Variants in PDE1A observed in about 807,000 individuals in gnomAD.
PDE1A encodes dual specificity calcium/calmodulin-dependent 3',5'-cyclic nucleotide phosphodiesterase 1A.
PDE1A carries 35 observed loss-of-function variants against 61.7 expected under a neutral mutation model. That is an observed-to-expected ratio of 0.57 (90% CI 0.43 to 0.75). PDE1A has a LOEUF of 0.75. PDE1A is among the 30% of genes least tolerant of loss of function. PDE1A has a pLI of 0.00. For synonymous variants in PDE1A, 232 were observed against 213.2 expected, an observed-to-expected ratio of 1.09 and a Z score of -0.77; for missense variants, 597 against 630.6, an observed-to-expected ratio of 0.95 and a Z score of 0.57.
chr2:182,540,696 A>G, the PDE1A span, among the ~76,000 whole-genome samples: 1 of 152,122 alleles, frequency 6.6e-6, no homozygotes, highest in Non-Finnish European at 1.5e-5. Context: ...ACACAGTTTT[A>G]CCTTTCTTCA....
the PDE1A span, among the ~76,000 whole-genome samples, chr2:182,575,293 C>T: frequency 6.6e-6 from 1 of 152,006 alleles, no homozygotes; most frequent in Admixed American, 6.6e-5. Flanking sequence ...AATTCTCTTC[C>T]TTACCTCCAT....
intron 1 of PDE1A, among the ~76,000 whole-genome samples, chr2:182,398,375 C>T (rs1701823090): frequency 6.6e-6 from 1 of 151,842 alleles, no homozygotes. Flanking sequence ...TCAACATTGT[C>T]ATAGATGTGA....
At chr2:182,325,107 T>G (rs563566298) in intron 1 of PDE1A, among the ~76,000 whole-genome samples, 1 of 152,194 alleles carries the variant, frequency 6.6e-6, no homozygotes, top group African/African-American at 2.4e-5. Flanking sequence ...TACATTTGAC[T>G]AGTCAACAGG....
intron 1 of PDE1A, among the ~76,000 whole-genome samples, chr2:182,411,332 T>C (rs1702603531): frequency 6.6e-6 from 1 of 152,238 alleles, no homozygotes; most frequent in South Asian, 2.1e-4. Context: ...CACACACTGT[T>C]GCATGTATTT....
chr2:182,568,701 T>C, the PDE1A span, among the ~76,000 whole-genome samples: 1 of 152,112 alleles, frequency 6.6e-6, no homozygotes, highest in Non-Finnish European at 1.5e-5. Flanking sequence ...AGTAGGTACA[T>C]ATTTCTGTAT....
At chr2:182,156,891 A>T (rs1234201877) in intron 13 of PDE1A, among the ~76,000 whole-genome samples, 3 of 152,088 alleles carry the variant, frequency 2.0e-5, no homozygotes, top group African/African-American at 4.8e-5. Context: ...GTATAAATAT[A>T]TAACTGAAGT....
At chr2:182,541,608 G>A in the PDE1A span, among the ~76,000 whole-genome samples, 1 of 152,270 alleles carries the variant, frequency 6.6e-6, no homozygotes, top group African/African-American at 2.4e-5. Context: ...TGTGAGAAAA[G>A]CTGCCCTACT....
chr2:182,602,186 G>A, the PDE1A span, among the ~76,000 whole-genome samples: 4 of 152,338 alleles, frequency 2.6e-5, no homozygotes, highest in South Asian at 2.1e-4. Context: ...GGGCCTTCCC[G>A]GGCCCCCAAG....
the PDE1A span, among the ~76,000 whole-genome samples, chr2:182,673,024 T>C: frequency 6.6e-6 from 1 of 152,192 alleles, no homozygotes; most frequent in African/African-American, 2.4e-5. Context: ...GGATTGACTC[T>C]TAGAAAACAG....
the PDE1A span, among the ~76,000 whole-genome samples, chr2:182,539,929 G>C: frequency 2.0e-5 from 3 of 152,260 alleles, no homozygotes; most frequent in African/African-American, 7.2e-5. Flanking sequence ...GCTTGATAAT[G>C]ACTAAAATTA....
chr2:182,311,745 T>C (rs1695989174), intron 1 of PDE1A, among the ~76,000 whole-genome samples: 1 of 152,194 alleles, frequency 6.6e-6, no homozygotes, highest in African/African-American at 2.4e-5. Context: ...CATTCACATG[T>C]AAGTCTACAT....
chr2:182,359,722 G>A (rs1336253173), intron 1 of PDE1A, among the ~76,000 whole-genome samples: 1 of 152,042 alleles, frequency 6.6e-6, no homozygotes, highest in African/African-American at 2.4e-5. Context: ...GCTCCCAGCG[G>A]TCAAGAAAAG....
At chr2:182,641,880 A>G in the PDE1A span, among the ~76,000 whole-genome samples, 1 of 152,204 alleles carries the variant, frequency 6.6e-6, no homozygotes, top group African/African-American at 2.4e-5. Flanking sequence ...AGCAATCTTC[A>G]ATTGTCGAAA....
chr2:182,201,715 A>G (rs746332520), exon 9 of PDE1A: 1 of 1,609,448 alleles, frequency 6.2e-7, no homozygotes, highest in Non-Finnish European at 8.5e-7. Context: ...ACTGTTTCTT[A>G]TATTTTTAAT....
chr2:182,518,791 C>G (rs897626837), intron 2 of PDE1A, among the ~76,000 whole-genome samples: 1 of 151,988 alleles, frequency 6.6e-6, no homozygotes, highest in Non-Finnish European at 1.5e-5. Flanking sequence ...AGATTTTTCC[C>G]TATAATTTCA....
chr2:182,583,446 C>T, the PDE1A span, among the ~76,000 whole-genome samples: 1 of 152,168 alleles, frequency 6.6e-6, no homozygotes, highest in African/African-American at 2.4e-5. Context: ...AGCTGGAAGC[C>T]ATCCGTCCAA....
chr2:182,189,130 T>C lies in PDE1A; in HGVS notation c.1126-70A>G, dbSNP rs986424927. ...CTAAAATAATGAGCAACCTAAGATA[T>C]AAAGCCTAGAAAAGCCACATCTTTC... On this transcript the variant is annotated intron_variant, in intron 10 of 13. Coordinates refer to ENST00000351439, the Ensembl canonical transcript of PDE1A. The C allele has an allele frequency of 1.6e-5, 15 of 930,068 alleles. No homozygotes were observed. In the African/African-American group the frequency reaches 1.9e-4, roughly 12 times the overall value. The allele number at this position is 930,068 out of a possible 1,614,324, so 57.6% of individuals were successfully genotyped here.
intron 1 of PDE1A, among the ~76,000 whole-genome samples, chr2:182,419,284 CA>C (rs1215183545): frequency 6.6e-6 from 1 of 151,662 alleles, no homozygotes; most frequent in Non-Finnish European, 1.5e-5. Context: ...TACAAGTTAT[CA>C]GTACAGTTAT....
chr2:182,531,466 A>G, the PDE1A span, among the ~76,000 whole-genome samples: 2 of 152,026 alleles, frequency 1.3e-5, no homozygotes, highest in African/African-American at 2.4e-5. Flanking sequence ...TAAAGCAAAA[A>G]TTATTAAAAG....
Sources: gnomAD v4.1 joint callset for allele counts (sites outside exome capture counted in the v4.1 genomes callset) on GRCh38, gnomAD v4.1.1 for gene constraint, MANE v1.5 for transcripts, NCBI Gene and HGNC (gene_info 2026-07-23, HGNC 2026-07-21) for gene names.